Variants in IGF2BP2 observed in about 807,000 individuals in gnomAD.
The protein encoded by IGF2BP2 is insulin like growth factor 2 mRNA binding protein 2.
IGF2BP2 carries 17 observed loss-of-function variants against 75.8 expected under a neutral mutation model. That is an observed-to-expected ratio of 0.22 (90% confidence interval 0.15 to 0.34). The LOEUF (loss-of-function observed/expected upper bound fraction) is 0.34. Ranked by LOEUF, IGF2BP2 falls within the 10% of genes least tolerant of loss-of-function variation. The pLI, the probability that IGF2BP2 is intolerant of heterozygous loss-of-function variation, is 1.00. For synonymous variants in IGF2BP2, 288 were observed against 295.6 expected (o/e 0.97, Z 0.26); for missense variants, 516 against 772.4 (o/e 0.67, Z 3.93).
At chr3:185,818,446 G>GCCA (rs1049724628) in intron 2 of IGF2BP2, among the ~76,000 whole-genome samples, 20 of 152,228 alleles carry the variant, frequency 1.3e-4, no homozygotes, top group African/African-American at 4.6e-4. Flanking sequence ...GATTCCCTTT[G>GCCA]CCACAGGTTT....
chr3:185,824,787 G>A lies in IGF2BP2; in HGVS notation c.174C>T (p.Leu58=). The A allele has an allele frequency of 7.1e-7, 1 of 1,414,682 alleles. No individual in the cohort carries two copies. The highest frequency in any genetic ancestry group is 1.5e-5 in the South Asian group (1 of 67,878). 87.6% of individuals were successfully genotyped at this position (1,414,682 alleles called of 1,614,324 possible). Residue 58 remains leucine (L), a synonymous_variant, in exon 1 of 16, where the codon CTC becomes CTT. Coordinates refer to ENST00000382199, the MANE Select transcript of IGF2BP2 (RefSeq NM_006548.6). ...QNWAIRAIET[L]SGKVELHGKI... Reference sequence around the variant, plus strand: ...GGGGCCGCGCTGAGTGCTCACCCGAGAGGGTCTCGATGGCGCGGATGGCCC... The same window carrying A: ...GGGGCCGCGCTGAGTGCTCACCCGAAAGGGTCTCGATGGCGCGGATGGCCC...
At chr3:185,796,629 A>AG (rs1553892617) in intron 2 of IGF2BP2, among the ~76,000 whole-genome samples, 1 of 107,988 alleles carries the variant, frequency 9.3e-6, no homozygotes. Context: ...AAAAAAAAAA[A>AG]AAAAAGAGAG....
intron 12 of IGF2BP2, among the ~76,000 whole-genome samples, chr3:185,654,095 C>T (rs888577101): frequency 6.6e-6 from 1 of 152,186 alleles, no homozygotes; most frequent in South Asian, 2.1e-4. Context: ...GACCCTGTCC[C>T]GCTCTGGAAG....
chr3:185,706,869 TAG>T (rs1292417263), intron 2 of IGF2BP2, among the ~76,000 whole-genome samples: 1 of 151,170 alleles, frequency 6.6e-6, no homozygotes, highest in African/African-American at 2.4e-5. Flanking sequence ...GCCTCCCGAG[TAG>T]CTGGGATGAC....
chr3:185,774,496 G>A (rs928235729), intron 2 of IGF2BP2, among the ~76,000 whole-genome samples: 2 of 151,982 alleles, frequency 1.3e-5, no homozygotes, highest in East Asian at 1.9e-4. Context: ...TCAGGAGGCT[G>A]AGGCAGGAGA....
chr3:185,698,422 A>C (rs1193333480), intron 2 of IGF2BP2, 75 bp from the exon 3 acceptor site: 23 of 1,375,508 alleles, frequency 1.7e-5, no homozygotes, highest in Non-Finnish European at 2.3e-5. Flanking sequence ...AACCGGCTTA[A>C]ACCCGTCATT....
chr3:185,783,584 T>A (rs1735485363), intron 2 of IGF2BP2, among the ~76,000 whole-genome samples: 1 of 152,212 alleles, frequency 6.6e-6, no homozygotes, highest in African/African-American at 2.4e-5. Flanking sequence ...ATTGTCTTTA[T>A]CACCTTATGT....
intron 2 of IGF2BP2, among the ~76,000 whole-genome samples, chr3:185,815,602 CA>C (rs1740494994): frequency 6.6e-6 from 1 of 152,164 alleles, no homozygotes; most frequent in Admixed American, 6.5e-5. Context: ...AGCAGCCACC[CA>C]GTATTAGTTA....
intron 2 of IGF2BP2, among the ~76,000 whole-genome samples, chr3:185,755,888 G>A (rs1156862090): frequency 6.6e-6 from 1 of 152,122 alleles, no homozygotes; most frequent in East Asian, 1.9e-4. Context: ...ATGAGATTTC[G>A]GACTTTGAGT....
intron 7 of IGF2BP2, among the ~76,000 whole-genome samples, chr3:185,677,239 C>T (rs900511931): frequency 6.6e-6 from 1 of 151,516 alleles, no homozygotes; most frequent in Non-Finnish European, 1.5e-5. Flanking sequence ...GAAACAAAGA[C>T]TGGATTATGC....
chr3:185,739,680 T>C (rs1168791333), intron 2 of IGF2BP2, among the ~76,000 whole-genome samples: 1 of 152,048 alleles, frequency 6.6e-6, no homozygotes, highest in East Asian at 1.9e-4. Flanking sequence ...AAGCTTCTCT[T>C]TCTGTCTAGC....
intron 6 of IGF2BP2, 103 bp downstream of exon 6, chr3:185,689,252 C>T (rs2097366473): frequency 1.7e-6 from 2 of 1,199,838 alleles, no homozygotes; most frequent in South Asian, 1.4e-5. Context: ...CAGCACAGCC[C>T]CCCACTGCTG....
intron 2 of IGF2BP2, among the ~76,000 whole-genome samples, chr3:185,700,975 C>G (rs935305184): frequency 6.6e-6 from 1 of 152,114 alleles, no homozygotes; most frequent in African/African-American, 2.4e-5. Context: ...TTTTAAAAAG[C>G]ACAAAACCAA....
chr3:185,773,424 A>C (rs1182474283), intron 2 of IGF2BP2, among the ~76,000 whole-genome samples: 1 of 152,228 alleles, frequency 6.6e-6, no homozygotes, highest in Non-Finnish European at 1.5e-5. Context: ...TCCCATACAA[A>C]GTTTGAGTGC....
Position 185,724,092 on chromosome 3 carries a change from TG to T in IGF2BP2, c.240-25746del, listed in dbSNP as rs1211198230. Among the ~76,000 whole-genome samples, 14 of 152,176 alleles carry T rather than the reference TG, an allele frequency of 9.2e-5. No homozygotes were observed. The South Asian group carries it at 2.9e-3, about 32-fold the overall frequency. On this transcript the variant is annotated intron_variant, in intron 2 of 15. Transcript: ENST00000382199. ...CATGCTTGGGCCAAAAAGTCCTAAGTGGCACCAGGACCCAGGCAGGAATGAA... is the reference window on the plus strand; with the variant it reads ...CATGCTTGGGCCAAAAAGTCCTAAGTGCACCAGGACCCAGGCAGGAATGAA...
intron 2 of IGF2BP2, among the ~76,000 whole-genome samples, chr3:185,764,639 T>A (rs1050710358): frequency 6.6e-6 from 1 of 152,220 alleles, no homozygotes. Context: ...AGAGATCATC[T>A]TCACCATGAT....
At chr3:185,814,980 A>C (rs1321723039) in intron 2 of IGF2BP2, among the ~76,000 whole-genome samples, 1 of 152,162 alleles carries the variant, frequency 6.6e-6, no homozygotes, top group Non-Finnish European at 1.5e-5. Flanking sequence ...TAAAAATGAA[A>C]GCATGCCAAT....
At chr3:185,774,644 C>G (rs1734309322) in intron 2 of IGF2BP2, among the ~76,000 whole-genome samples, 1 of 151,052 alleles carries the variant, frequency 6.6e-6, no homozygotes, top group Non-Finnish European at 1.5e-5. Flanking sequence ...TCAAGAAACA[C>G]CAGTGGGGCC....
chr3:185,740,129 T>C (rs1729357156), intron 2 of IGF2BP2, among the ~76,000 whole-genome samples: 1 of 152,126 alleles, frequency 6.6e-6, no homozygotes. Context: ...ATTAAAGGTG[T>C]GAGCCACCAT....
Sources: gnomAD v4.1 joint callset for allele counts (sites outside exome capture counted in the v4.1 genomes callset) on GRCh38, gnomAD v4.1.1 for gene constraint, MANE v1.5 for transcripts, NCBI Gene and HGNC (gene_info 2026-07-23, HGNC 2026-07-21) for gene names.